HSD17B3: variants seen among roughly 807,000 people sequenced by gnomAD.
The protein encoded by HSD17B3 is hydroxysteroid 17-beta dehydrogenase 3, also known as 17-beta-hydroxysteroid dehydrogenase type 3.
In HSD17B3, 29 loss-of-function variants were observed where a neutral mutation model predicts 41.1. That is an observed-to-expected ratio of 0.71 (90% CI 0.53 to 0.96). The LOEUF (loss-of-function observed/expected upper bound fraction) is 0.96, where lower values mean the gene tolerates loss of function less well. Ranked by LOEUF, HSD17B3 falls within the 40% of genes least tolerant of loss-of-function variation. HSD17B3 has a pLI of 0.00. For missense variants in HSD17B3, 323 were observed against 374.6 expected, an observed-to-expected ratio of 0.86 and a Z score of 1.14; for synonymous variants, 126 against 145.6, an observed-to-expected ratio of 0.87 and a Z score of 0.97.
chr9:96,261,439 C>T lies in HSD17B3; in HGVS notation c.202-6496G>A, dbSNP rs189789585. Among the ~76,000 whole-genome samples, 587 of 152,318 alleles carry T rather than the reference C, an allele frequency of 3.9e-3. 14 individuals carry two copies. Among genetic ancestry groups the T allele is most frequent in the Non-Finnish European group, 1.2e-3 (79 of 68,040 alleles). The stretch of plus-strand genomic sequence containing the variant: ...CTAACTGCTGACCTCAGGTGATCCG[C>T]CCGCCTTGGCCTCCCAAAGTGCTGG... On this transcript the variant is annotated intron_variant, in intron 2 of 10. Transcript: ENST00000375263.
intron 2 of HSD17B3, chr9:96,256,351 A>C (rs1054017358): frequency 1.3e-5 from 2 of 152,086 alleles, no homozygotes; most frequent in African/African-American, 4.8e-5. Flanking sequence ...TACGTATTAT[A>C]GGCTGGGCAC....
chr9:96,277,643 G>T (rs280658), intron 2 of HSD17B3, among the ~76,000 whole-genome samples: 139,217 of 152,244 alleles, frequency 0.91, 63,794 homozygotes, highest in African/African-American at 0.96. Context: ...ACAGCCATTA[G>T]GGAAAACTGT....
intron 2 of HSD17B3, among the ~76,000 whole-genome samples, chr9:96,296,587 AT>A (rs2130797728): frequency 6.6e-6 from 1 of 152,298 alleles, no homozygotes; most frequent in Non-Finnish European, 1.5e-5. Flanking sequence ...CCTCAAGAAA[AT>A]AGCTCCCAAA....
chr9:96,270,211 C>T (rs1826189572), intron 2 of HSD17B3, among the ~76,000 whole-genome samples: 1 of 151,686 alleles, frequency 6.6e-6, no homozygotes, highest in Non-Finnish European at 1.5e-5. Flanking sequence ...CTATGCATTA[C>T]ATACACTCTT....
At position 96,280,347 on chromosome 9, in the gene HSD17B3, C is replaced by T. The variant is rs189516593; in HGVS notation, c.201+18069G>A. On this transcript the variant is annotated intron_variant, in intron 2 of 10. Transcript: ENST00000375263. ...TTTTCACCAATCCACTTATTTTGAACGACTATTCCACAGTATAAATAATTT... is the reference window on the plus strand; with the variant it reads ...TTTTCACCAATCCACTTATTTTGAATGACTATTCCACAGTATAAATAATTT... Among the ~76,000 whole-genome samples the T allele has an allele frequency of 5.6e-4, 85 of 152,240 alleles. No individual in the cohort carries two copies. The Middle Eastern group carries it at 0.01, about 18-fold the overall frequency.
At chr9:96,239,342 T>G (rs1367829130) in intron 10 of HSD17B3, 1 of 152,208 alleles carries the variant, frequency 6.6e-6, no homozygotes, top group Non-Finnish European at 1.5e-5. Context: ...AAATGGCCAG[T>G]TGAGATGACT....
chr9:96,271,735 G>T (rs1057045959), intron 2 of HSD17B3, among the ~76,000 whole-genome samples: 4 of 152,026 alleles, frequency 2.6e-5, no homozygotes, highest in Admixed American at 6.6e-5. Flanking sequence ...TGGGTTTTTT[G>T]TTGTTGTTGT....
Position 96,248,945 on chromosome 9 carries a change from G to A in HSD17B3, c.489+806C>T, listed in dbSNP as rs150920444. Among the ~76,000 whole-genome samples the A allele has an allele frequency of 1.0e-4, 15 of 147,430 alleles. No homozygotes were observed. The East Asian group carries it at 2.2e-3, about 22-fold the overall frequency. ...TTTGGAGACAGAGACTTTCTCTGTC[G>A]CCCAGGCTCGACTGCAGTGACACAG... On this transcript the variant is annotated intron_variant, in intron 6 of 10. Transcript: ENST00000375263.
chr9:96,289,747 C>T (rs1827075903), intron 2 of HSD17B3, among the ~76,000 whole-genome samples: 1 of 152,098 alleles, frequency 6.6e-6, no homozygotes, highest in Non-Finnish European at 1.5e-5. Context: ...TGGCATTGTT[C>T]CCTTTGTCTG....
At position 96,244,365 on chromosome 9, in the gene HSD17B3, C is replaced by T. The variant is rs149904201; in HGVS notation, c.636G>A (p.Leu212=). 4.3e-6 allele frequency: 7 copies of T among 1,614,198 alleles called. No individual in the cohort carries two copies. The highest frequency in any genetic ancestry group is 5.1e-6 in the Non-Finnish European group (6 of 1,180,036). Residue 212 remains leucine (L), a synonymous_variant, in exon 9 of 11, where the codon CTG becomes CTA. Transcript: ENST00000375263. ...KAFVCAFSKA[L]QEEYKAKEVI... is the part of the protein sequence containing the mutation. ...CTTCTTTTGCTTTATATTCCTCTTGCAGGGCCTTGGAAAATGCGCACACAA... is the reference window on the plus strand; with the variant it reads ...CTTCTTTTGCTTTATATTCCTCTTGTAGGGCCTTGGAAAATGCGCACACAA...
chr9:96,269,505 G>C (rs187726530), intron 2 of HSD17B3, among the ~76,000 whole-genome samples: 127 of 152,260 alleles, frequency 8.3e-4, no homozygotes, highest in African/African-American at 3.0e-3. Flanking sequence ...TAGTAGAATA[G>C]AATACTATAT....
At chr9:96,241,991 AAGAAAGAAAGAAAG>A (rs1481050690) in intron 9 of HSD17B3, among the ~76,000 whole-genome samples, 5 of 148,712 alleles carry the variant, frequency 3.4e-5, no homozygotes, top group African/African-American at 1.3e-4. Flanking sequence ...GAAAGAAAGA[AAGAAAGAAAGAAAG>A]AGAAAGAAAA....
At chr9:96,296,764 G>A (rs1436552402) in intron 2 of HSD17B3, among the ~76,000 whole-genome samples, 1 of 152,114 alleles carries the variant, frequency 6.6e-6, no homozygotes, top group African/African-American at 2.4e-5. Flanking sequence ...GTTTTCGGCA[G>A]GCTGCAGTGG....
intron 2 of HSD17B3, among the ~76,000 whole-genome samples, chr9:96,288,536 C>G (rs1827015480): frequency 6.6e-6 from 1 of 152,008 alleles, no homozygotes; most frequent in South Asian, 2.1e-4. Context: ...ATCCTAGAGC[C>G]TTGGGAGGCC....
chr9:96,246,511 G>A (rs1311356858), intron 7 of HSD17B3, 45 bp downstream of exon 7: 2 of 1,586,650 alleles, frequency 1.3e-6, no homozygotes, highest in African/African-American at 2.7e-5. Context: ...GACCGCCAGG[G>A]CAGGGAGGCC....
At chr9:96,293,075 G>A (rs1343056944) in intron 2 of HSD17B3, among the ~76,000 whole-genome samples, 1 of 152,138 alleles carries the variant, frequency 6.6e-6, no homozygotes, top group African/African-American at 2.4e-5. Context: ...GACTTAAAAA[G>A]GAATCTTGGG....
intron 2 of HSD17B3, among the ~76,000 whole-genome samples, chr9:96,277,194 C>T (rs1304930359): frequency 2.5e-5 from 2 of 80,542 alleles, no homozygotes; most frequent in African/African-American, 1.1e-4. Flanking sequence ...GAGCAAGACT[C>T]CAGCTCAAAA....
chr9:96,253,974 C>A (rs1825530157), intron 3 of HSD17B3, among the ~76,000 whole-genome samples: 1 of 152,146 alleles, frequency 6.6e-6, no homozygotes, highest in Non-Finnish European at 1.5e-5. Context: ...AAATCTCCCC[C>A]AGGGAAACAA....
chr9:96,290,089 T>A (rs961744440), intron 2 of HSD17B3, among the ~76,000 whole-genome samples: 8 of 151,954 alleles, frequency 5.3e-5, no homozygotes, highest in African/African-American at 1.9e-4. Context: ...GGAAACGGTG[T>A]GAAAAATAGG....
Sources: allele counts gnomAD v4.1 joint callset (sites outside exome capture counted in the v4.1 genomes callset), GRCh38; gene constraint gnomAD v4.1.1; transcripts MANE v1.5; gene names NCBI Gene and HGNC (gene_info 2026-07-23, HGNC 2026-07-21).